The following SLC24A2 variants were observed in gnomAD, a reference collection of about 807,000 sequenced individuals.
The protein encoded by SLC24A2 is solute carrier family 24 member 2.
A neutral mutation model predicts 62.0 loss-of-function variants in SLC24A2; 36 were observed. The observed-to-expected ratio is 0.58, with a 90% CI of 0.44 to 0.77. The LOEUF is 0.77. SLC24A2 is among the 30% of genes least tolerant of loss of function. The pLI is 0.00. For synonymous variants in SLC24A2, 358 were observed against 294.0 expected (o/e 1.22, Z -2.23); for missense variants, 846 against 817.9 (o/e 1.03, Z -0.42).
chr9:20,148,863 G>A, the SLC24A2 span, among the ~76,000 whole-genome samples: 1 of 152,024 alleles, frequency 6.6e-6, no homozygotes, highest in South Asian at 2.1e-4. Flanking sequence ...CACCCAGAAA[G>A]CCAATTCTAT....
chr9:20,234,476 T>C, the SLC24A2 span, among the ~76,000 whole-genome samples: 1 of 152,232 alleles, frequency 6.6e-6, no homozygotes, highest in Non-Finnish European at 1.5e-5. Flanking sequence ...TTTCATTCAT[T>C]TCGTCTTCCA....
chr9:20,286,059 G>T, the SLC24A2 span, among the ~76,000 whole-genome samples: 2 of 152,218 alleles, frequency 1.3e-5, no homozygotes, highest in African/African-American at 4.8e-5. Context: ...CAGGAAGGAA[G>T]AGAAAACAGC....
chr9:20,122,577 A>AGG, the SLC24A2 span, among the ~76,000 whole-genome samples: 1 of 152,114 alleles, frequency 6.6e-6, no homozygotes, highest in Non-Finnish European at 1.5e-5. Flanking sequence ...AATCCCAGCT[A>AGG]CTTGAAGCTG....
the SLC24A2 span, among the ~76,000 whole-genome samples, chr9:19,827,507 T>G: frequency 6.6e-6 from 1 of 151,994 alleles, no homozygotes; most frequent in African/African-American, 2.4e-5. Flanking sequence ...AATGTATATA[T>G]ATATATAAAA....
At chr9:20,273,909 C>T in the SLC24A2 span, among the ~76,000 whole-genome samples, 1 of 152,166 alleles carries the variant, frequency 6.6e-6, no homozygotes, top group Non-Finnish European at 1.5e-5. Context: ...ATGTTAGATA[C>T]AATTTAAATA....
chr9:20,127,934 T>C, the SLC24A2 span, among the ~76,000 whole-genome samples: 2 of 151,506 alleles, frequency 1.3e-5, no homozygotes, highest in African/African-American at 2.4e-5. Flanking sequence ...AAATGAAGAA[T>C]TTTTTTTTAA....
the SLC24A2 span, among the ~76,000 whole-genome samples, chr9:20,100,833 T>C: frequency 7.9e-5 from 12 of 152,330 alleles, no homozygotes; most frequent in African/African-American, 2.6e-4. Flanking sequence ...GTTTTGTTTT[T>C]TCCATCCTCC....
the SLC24A2 span, among the ~76,000 whole-genome samples, chr9:20,004,301 T>C: frequency 1.3e-5 from 2 of 152,166 alleles, no homozygotes; most frequent in Non-Finnish European, 2.9e-5. Context: ...CAGGACATTT[T>C]TGTTGACCGG....
chr9:20,090,648 A>G, the SLC24A2 span, among the ~76,000 whole-genome samples: 1 of 152,120 alleles, frequency 6.6e-6, no homozygotes, highest in African/African-American at 2.4e-5. Flanking sequence ...GGGAGCTACA[A>G]AGACCCTGCA....
the SLC24A2 span, among the ~76,000 whole-genome samples, chr9:19,984,941 T>C: frequency 6.6e-6 from 1 of 151,464 alleles, no homozygotes; most frequent in Non-Finnish European, 1.5e-5. Flanking sequence ...TCTGTAAAAC[T>C]AAAACTGCTC....
intron 2 of SLC24A2, among the ~76,000 whole-genome samples, chr9:19,755,272 T>C (rs961698676): frequency 2.0e-5 from 3 of 152,118 alleles, no homozygotes; most frequent in African/African-American, 7.2e-5. Context: ...TACATGTTAG[T>C]TTTTTCTTGT....
At chr9:20,039,031 T>C in the SLC24A2 span, among the ~76,000 whole-genome samples, 1 of 152,168 alleles carries the variant, frequency 6.6e-6, no homozygotes, top group Non-Finnish European at 1.5e-5. Flanking sequence ...AGTAATGGAC[T>C]AAGAGAGAAC....
the SLC24A2 span, among the ~76,000 whole-genome samples, chr9:19,831,023 G>C: frequency 6.6e-6 from 1 of 152,060 alleles, no homozygotes; most frequent in East Asian, 1.9e-4. Context: ...GTCCTCACTT[G>C]GTGGAAGGAA....
At chr9:20,162,535 G>T in the SLC24A2 span, among the ~76,000 whole-genome samples, 1 of 151,918 alleles carries the variant, frequency 6.6e-6, no homozygotes, top group Non-Finnish European at 1.5e-5. Context: ...ATTCACAGCC[G>T]AATTCTACCA....
intron 8 of SLC24A2, among the ~76,000 whole-genome samples, chr9:19,539,202 C>A (rs1181941627): frequency 1.3e-4 from 9 of 69,446 alleles, no homozygotes; most frequent in African/African-American, 5.3e-4. Context: ...GTCTCTATTT[C>A]CTTCAGTTCT....
the SLC24A2 span, among the ~76,000 whole-genome samples, chr9:19,891,503 T>C: frequency 1.3e-5 from 2 of 152,162 alleles, no homozygotes; most frequent in African/African-American, 4.8e-5. Flanking sequence ...CTTCCACTTG[T>C]GGTAGACGGT....
At chr9:19,830,040 C>T in the SLC24A2 span, among the ~76,000 whole-genome samples, 2 of 152,022 alleles carry the variant, frequency 1.3e-5, no homozygotes, top group Non-Finnish European at 1.5e-5. Flanking sequence ...CTTGGCCACC[C>T]AAGGGCAAGG....
At chr9:19,990,352 C>T in the SLC24A2 span, among the ~76,000 whole-genome samples, 1 of 152,128 alleles carries the variant, frequency 6.6e-6, no homozygotes, top group East Asian at 1.9e-4. Flanking sequence ...TGGCTCGTAC[C>T]TCTAATCCCT....
intron 2 of SLC24A2, among the ~76,000 whole-genome samples, chr9:19,676,822 A>C (rs983298776): frequency 6.6e-6 from 1 of 152,232 alleles, no homozygotes; most frequent in Admixed American, 6.5e-5. Context: ...TTAATTTCTT[A>C]ACCTAAGAGA....
Sources: gnomAD v4.1 joint callset for allele counts (sites outside exome capture counted in the v4.1 genomes callset) on GRCh38, gnomAD v4.1.1 for gene constraint, MANE v1.5 for transcripts, NCBI Gene and HGNC (gene_info 2026-07-23, HGNC 2026-07-21) for gene names.